Variants in SNCAIP observed in about 807,000 individuals in gnomAD.
SNCAIP encodes synphilin-1.
In SNCAIP, 43 loss-of-function variants were observed where a neutral mutation model predicts 86.7. The ratio of observed to expected loss-of-function variants is 0.50; its 90% CI spans 0.39 to 0.64. SNCAIP has a LOEUF of 0.64. Ranked by LOEUF, SNCAIP falls within the 30% of genes least tolerant of loss-of-function variation. The pLI is 0.00. For synonymous variants in SNCAIP, 417 were observed against 427.2 expected, an observed-to-expected ratio of 0.98 and a Z score of 0.29; for missense variants, 981 against 1,103.1, an observed-to-expected ratio of 0.89 and a Z score of 1.57.
At chr5:122,369,725 T>TGAA (rs1332658782) in intron 1 of SNCAIP, 1 of 152,182 alleles carries the variant, frequency 6.6e-6, no homozygotes, top group Non-Finnish European at 1.5e-5. Flanking sequence ...CCTTCCTTGG[T>TGAA]GAAGGATGCA....
intron 10 of SNCAIP, among the ~76,000 whole-genome samples, chr5:122,460,254 T>A (rs892169815): frequency 6.6e-6 from 1 of 152,024 alleles, no homozygotes; most frequent in African/African-American, 2.4e-5. Context: ...CCTGAGCAGC[T>A]AGAACTACCA....
chr5:122,432,209 T>C (rs1232779076), intron 6 of SNCAIP, 127 bp downstream of exon 6: 9 of 651,982 alleles, frequency 1.4e-5, no homozygotes, highest in African/African-American at 3.7e-5. Context: ...ATATAACCAA[T>C]GATATTTGTT....
chr5:122,350,631 G>A (rs1021637135), intron 1 of SNCAIP, among the ~76,000 whole-genome samples: 6 of 151,832 alleles, frequency 4.0e-5, no homozygotes, highest in South Asian at 2.1e-4. Context: ...ACTTCCAAGC[G>A]TTTTGATGCA....
chr5:122,444,921 G>A (rs895162024), intron 8 of SNCAIP, 189 bp downstream of exon 8: 4 of 647,170 alleles, frequency 6.2e-6, no homozygotes, highest in East Asian at 2.8e-5. Flanking sequence ...TCTCTGCAGA[G>A]GCAAAAGGAT....
chr5:122,315,312 C>A (rs1471412958), intron 1 of SNCAIP, among the ~76,000 whole-genome samples: 2 of 152,172 alleles, frequency 1.3e-5, no homozygotes, highest in African/African-American at 4.8e-5. Context: ...GGATGTACCT[C>A]CCATTCTCCA....
At chr5:122,381,904 A>G (rs7444493) in intron 1 of SNCAIP, among the ~76,000 whole-genome samples, 19,366 of 152,028 alleles carry the variant, frequency 0.13, 1,324 homozygotes, top group South Asian at 0.24. Flanking sequence ...TTTCTGCAGA[A>G]AGATCTGCTG....
chr5:122,348,657 C>CAAAAA (rs1301113551), intron 1 of SNCAIP, among the ~76,000 whole-genome samples: 3 of 152,040 alleles, frequency 2.0e-5, no homozygotes, highest in Non-Finnish European at 4.4e-5. Flanking sequence ...GAAAAATTGC[C>CAAAAA]TGAGTCACAT....
intron 1 of SNCAIP, among the ~76,000 whole-genome samples, chr5:122,359,489 G>C (rs1277369293): frequency 6.6e-6 from 1 of 151,664 alleles, no homozygotes; most frequent in Non-Finnish European, 1.5e-5. Context: ...TCAGCCTTCT[G>C]AGTAGCTGGG....
chr5:122,450,063 T>C, intron 9 of SNCAIP, 126 bp downstream of exon 9: 1 of 723,722 alleles, frequency 1.4e-6, no homozygotes, highest in Non-Finnish European at 2.4e-6. Context: ...TAAAGAGGAA[T>C]AAAAATGAGA....
At chr5:122,406,982 AC>A (rs1160974073) in intron 3 of SNCAIP, among the ~76,000 whole-genome samples, 1 of 152,142 alleles carries the variant, frequency 6.6e-6, no homozygotes, top group Non-Finnish European at 1.5e-5. Context: ...TATATCTTTG[AC>A]CAGATGTTCT....
intron 3 of SNCAIP, among the ~76,000 whole-genome samples, chr5:122,405,911 T>C (rs1303424998): frequency 6.6e-6 from 1 of 152,160 alleles, no homozygotes; most frequent in Non-Finnish European, 1.5e-5. Context: ...GTTTCAAACT[T>C]AGAAGCTTTT....
intron 6 of SNCAIP, among the ~76,000 whole-genome samples, chr5:122,433,382 C>G (rs1229098378): frequency 6.6e-6 from 1 of 152,044 alleles, no homozygotes; most frequent in East Asian, 1.9e-4. Context: ...AGAGCAAAGA[C>G]TAGATTTCAA....
intron 3 of SNCAIP, among the ~76,000 whole-genome samples, chr5:122,406,349 C>T (rs1311377133): frequency 2.0e-5 from 3 of 152,154 alleles, no homozygotes; most frequent in Admixed American, 6.5e-5. Context: ...TTCAAACAGA[C>T]GCAGCAGAAT....
At chr5:122,425,553 C>A (rs371945213) in intron 5 of SNCAIP, 22 bp downstream of exon 5, 3 of 1,598,650 alleles carry the variant, frequency 1.9e-6, no homozygotes, top group East Asian at 2.2e-5. Flanking sequence ...GGGGCTGGAA[C>A]CTCCACAGCT....
intron 9 of SNCAIP, 51 bp from the exon 10 acceptor site, chr5:122,450,482 C>G: frequency 2.3e-6 from 3 of 1,289,870 alleles, no homozygotes; most frequent in South Asian, 2.4e-5. Flanking sequence ...TGACTTGAGT[C>G]ATTTCAACCC....
chr5:122,353,709 T>A (rs1760396617), intron 1 of SNCAIP, among the ~76,000 whole-genome samples: 1 of 152,204 alleles, frequency 6.6e-6, no homozygotes, highest in Non-Finnish European at 1.5e-5. Flanking sequence ...ATGAAAGACA[T>A]GACTTGCTCC....
At chr5:122,314,546 G>GT (rs752808184) in intron 1 of SNCAIP, among the ~76,000 whole-genome samples, 2 of 152,174 alleles carry the variant, frequency 1.3e-5, no homozygotes, top group Non-Finnish European at 2.9e-5. Context: ...AAATCAAATA[G>GT]TTGCTTCTGT....
chr5:122,421,670 A>G (rs1184114701), intron 3 of SNCAIP, among the ~76,000 whole-genome samples: 3 of 152,178 alleles, frequency 2.0e-5, no homozygotes, highest in South Asian at 4.1e-4. Flanking sequence ...GCCCCCTGAA[A>G]TCTCATCCTT....
chr5:122,425,672 G>C, intron 5 of SNCAIP, 141 bp downstream of exon 5: 4 of 701,526 alleles, frequency 5.7e-6, no homozygotes. Flanking sequence ...GCATTTAAGA[G>C]AGTAATCATT....
Sources: gnomAD v4.1 joint callset for allele counts (sites outside exome capture counted in the v4.1 genomes callset) on GRCh38, gnomAD v4.1.1 for gene constraint, MANE v1.5 for transcripts, NCBI Gene and HGNC (gene_info 2026-07-23, HGNC 2026-07-21) for gene names.